The following TTPA variants were observed in gnomAD, a reference collection of about 807,000 sequenced individuals.
The protein encoded by TTPA is alpha tocopherol transfer protein, also known as alpha-tocopherol transfer protein.
TTPA carries 23 observed loss-of-function variants against 25.9 expected under a neutral mutation model. The ratio of observed to expected loss-of-function variants is 0.89; its 90% CI spans 0.64 to 1.26. TTPA has a LOEUF of 1.26. TTPA is among the 50% of genes most tolerant of loss of function. The pLI, the probability that TTPA is intolerant of heterozygous loss-of-function variation, is 0.00. For missense variants in TTPA, 337 were observed against 353.1 expected, an observed-to-expected ratio of 0.95 and a Z score of 0.37; for synonymous variants, 148 against 137.3, an observed-to-expected ratio of 1.08 and a Z score of -0.54.
At chr8:63,085,019 G>A (rs534057479) in intron 1 of TTPA, among the ~76,000 whole-genome samples, 2 of 152,330 alleles carry the variant, frequency 1.3e-5, no homozygotes, top group Non-Finnish European at 2.9e-5. Flanking sequence ...GCTAGATCTG[G>A]TCGAACTGCT....
At chr8:63,067,457 A>G (rs1805410868) in intron 2 of TTPA, among the ~76,000 whole-genome samples, 3 of 151,958 alleles carry the variant, frequency 2.0e-5, no homozygotes, top group Admixed American at 6.6e-5. Flanking sequence ...CTGAAAAAAA[A>G]AACATGTAAG....
At chr8:63,076,262 A>G (rs563133858) in intron 1 of TTPA, among the ~76,000 whole-genome samples, 3 of 152,328 alleles carry the variant, frequency 2.0e-5, no homozygotes, top group Admixed American at 2.0e-4. Flanking sequence ...AGGATTATAT[A>G]ATAAAACCTT....
intron 1 of TTPA, among the ~76,000 whole-genome samples, chr8:63,074,577 A>G (rs942370748): frequency 1.3e-5 from 2 of 152,234 alleles, no homozygotes; most frequent in African/African-American, 4.8e-5. Flanking sequence ...AACAACAGGC[A>G]CATTGTAGGT....
At chr8:63,058,588 A>G (rs1386829671), downstream of TTPA, among the ~76,000 whole-genome samples, 2 of 152,206 alleles carry the variant, frequency 1.3e-5, no homozygotes, top group Non-Finnish European at 2.9e-5. Flanking sequence ...TAATTTGACC[A>G]TTCATTTCAA....
At chr8:63,084,920 C>A (rs539216608) in intron 1 of TTPA, among the ~76,000 whole-genome samples, 1 of 152,270 alleles carries the variant, frequency 6.6e-6, no homozygotes, top group African/African-American at 2.4e-5. Flanking sequence ...CCCTCAAAAA[C>A]CTCATACTGA....
chr8:63,065,879 C>A (rs1439255060), intron 3 of TTPA, 25 bp downstream of exon 3: 1 of 1,609,672 alleles, frequency 6.2e-7, no homozygotes, highest in African/African-American at 1.3e-5. Context: ...AAGTATTATG[C>A]CTGACAGTTA....
intron 1 of TTPA, among the ~76,000 whole-genome samples, chr8:63,076,074 T>A (rs1400290532): frequency 6.6e-6 from 1 of 152,188 alleles, no homozygotes; most frequent in Admixed American, 6.6e-5. Context: ...CAGCGCAGGC[T>A]CTCTCCTGAG....
At chr8:63,067,103 G>A (rs1023648959) in intron 2 of TTPA, among the ~76,000 whole-genome samples, 1 of 151,916 alleles carries the variant, frequency 6.6e-6, no homozygotes, top group Non-Finnish European at 1.5e-5. Flanking sequence ...AGCAGGGGGT[G>A]GGGAGAATAC....
intron 2 of TTPA, among the ~76,000 whole-genome samples, chr8:63,067,624 T>C (rs564899612): frequency 7.8e-4 from 119 of 152,176 alleles, no homozygotes; most frequent in African/African-American, 2.8e-3. Flanking sequence ...TTTCAACTTT[T>C]ATTTTAGATT....
intron 1 of TTPA, among the ~76,000 whole-genome samples, chr8:63,074,331 G>A (rs1025464543): frequency 1.3e-5 from 2 of 152,186 alleles, no homozygotes. Flanking sequence ...AGGGAGGACA[G>A]TGCCATCTGC....
chr8:63,074,613 C>T (rs1468358880), intron 1 of TTPA, among the ~76,000 whole-genome samples: 2 of 152,176 alleles, frequency 1.3e-5, no homozygotes, highest in East Asian at 1.9e-4. Context: ...CTACTCTACA[C>T]GGTGCATTTC....
intron 1 of TTPA, among the ~76,000 whole-genome samples, chr8:63,081,448 A>T (rs1409507948): frequency 6.6e-6 from 1 of 152,240 alleles, no homozygotes; most frequent in Non-Finnish European, 1.5e-5. Context: ...ACAGCCCTTC[A>T]TGCTAAAGAC....
rs1206138147 is a variant in TTPA, at chr8:63,086,044, G to A, written c.-23C>T. 2 of 1,394,372 alleles carry A rather than the reference G, an allele frequency of 1.4e-6. No homozygotes were observed. Among genetic ancestry groups the A allele is most frequent in the South Asian group, 1.5e-5 (1 of 65,030 alleles). 86.4% of individuals were successfully genotyped at this position (1,394,372 alleles called of 1,614,324 possible). A position where few individuals can be genotyped will look rare whatever the true frequency, so the allele number is the denominator to read the frequency against. ...CATGCCCGCCGCCGCTGCTGCGGCC[G>A]CAGCTACCCGGGCACCCGGGAAAAG... On this transcript the variant is annotated 5_prime_UTR_variant, in exon 1 of 5. Coordinates refer to ENST00000260116, the MANE Select transcript of TTPA (RefSeq NM_000370.3).
chr8:63,075,841 A>C (rs1004256693), intron 1 of TTPA, among the ~76,000 whole-genome samples: 20 of 152,144 alleles, frequency 1.3e-4, no homozygotes, highest in African/African-American at 4.1e-4. Context: ...GCATTTAGAG[A>C]GAAATTAGCA....
chr8:63,080,383 C>G (rs1805640659), intron 1 of TTPA, among the ~76,000 whole-genome samples: 1 of 152,128 alleles, frequency 6.6e-6, no homozygotes, highest in South Asian at 2.1e-4. Flanking sequence ...AATCTAGAAG[C>G]TGGTTTTTTG....
chr8:63,080,755 A>G (rs1204972016), intron 1 of TTPA, among the ~76,000 whole-genome samples: 1 of 150,458 alleles, frequency 6.6e-6, no homozygotes, highest in African/African-American at 2.4e-5. Flanking sequence ...ATAATAATAA[A>G]GAAGAAAAGA....
chr8:63,066,794 T>C (rs1805397637), intron 2 of TTPA, among the ~76,000 whole-genome samples: 1 of 152,162 alleles, frequency 6.6e-6, no homozygotes, highest in Non-Finnish European at 1.5e-5. Context: ...TTAAAAGACA[T>C]CTATTCCTTA....
At chr8:63,073,152 A>C in intron 1 of TTPA, 64 bp from the exon 2 acceptor site, 1 of 1,352,646 alleles carries the variant, frequency 7.4e-7, no homozygotes, top group Non-Finnish European at 1.0e-6. Context: ...TAAAAATGGA[A>C]GAAAAGCTTT....
intron 1 of TTPA, 45 bp downstream of exon 1, chr8:63,085,773 C>CG: frequency 6.6e-7 from 1 of 1,507,870 alleles, no homozygotes; most frequent in Non-Finnish European, 8.8e-7. Context: ...GGGGACGGGG[C>CG]GGGTGAGGTG....
Sources: gnomAD v4.1 joint callset for allele counts (sites outside exome capture counted in the v4.1 genomes callset) on GRCh38, gnomAD v4.1.1 for gene constraint, MANE v1.5 for transcripts, NCBI Gene and HGNC (gene_info 2026-07-23, HGNC 2026-07-21) for gene names.